The following RIMS2 variants were observed in gnomAD, a reference collection of about 807,000 sequenced individuals.
RIMS2 encodes regulating synaptic membrane exocytosis 2.
Under a neutral mutation model 174.4 loss-of-function variants are expected in RIMS2, and 59 were observed. The ratio of observed to expected loss-of-function variants is 0.34; its 90% CI spans 0.27 to 0.42. RIMS2 has a LOEUF of 0.42. RIMS2 is among the 10% of genes least tolerant of loss of function. The probability of loss-of-function intolerance (pLI) is 1.00; values close to 1 mark genes in which losing one functional copy is unlikely to be tolerated. For missense variants in RIMS2, 1,620 were observed against 1,666.3 expected, an observed-to-expected ratio of 0.97 and a Z score of 0.48; for synonymous variants, 606 against 572.5, an observed-to-expected ratio of 1.06 and a Z score of -0.84.
intron 20 of RIMS2, among the ~76,000 whole-genome samples, chr8:104,247,668 C>T (rs2099343879): frequency 6.6e-6 from 1 of 152,148 alleles, no homozygotes; most frequent in African/African-American, 2.4e-5. Context: ...TTTGACAGGA[C>T]CAGAGTTTGG....
intron 19 of RIMS2, among the ~76,000 whole-genome samples, chr8:104,240,999 A>T (rs1240154925): frequency 6.6e-6 from 1 of 152,100 alleles, no homozygotes; most frequent in Non-Finnish European, 1.5e-5. Context: ...CAGAGAGGGT[A>T]TGTAACTTGC....
At chr8:103,800,016 A>G (rs768088521) in intron 3 of RIMS2, among the ~76,000 whole-genome samples, 1 of 152,202 alleles carries the variant, frequency 6.6e-6, no homozygotes, top group African/African-American at 2.4e-5. Context: ...ACTTGTGGAC[A>G]TGATGAAGTA....
At chr8:103,724,013 G>T (rs756135255) in intron 2 of RIMS2, among the ~76,000 whole-genome samples, 1 of 152,068 alleles carries the variant, frequency 6.6e-6, no homozygotes, top group East Asian at 1.9e-4. Context: ...CTGATACTGG[G>T]GTACCCACTG....
rs569548927 is a variant in RIMS2, at chr8:104,214,084, T to C, written c.3335-30832T>C. On this transcript the variant is annotated intron_variant, in intron 19 of 23. Coordinates refer to ENST00000504942, the Ensembl canonical transcript of RIMS2. Reference sequence around the variant, plus strand: ...TTTGAAATGTTATTCCATTAGAAAGTTGAGGTGCAGAAGGAGTTGCCAAGC... The same window carrying C: ...TTTGAAATGTTATTCCATTAGAAAGCTGAGGTGCAGAAGGAGTTGCCAAGC... Among the ~76,000 whole-genome samples, 36 of 152,196 alleles carry C rather than the reference T, an allele frequency of 2.4e-4. No homozygotes were observed. The South Asian group carries it at 7.1e-3, about 30-fold the overall frequency.
intron 3 of RIMS2, among the ~76,000 whole-genome samples, chr8:103,787,017 A>G (rs961127501): frequency 2.0e-5 from 3 of 150,294 alleles, no homozygotes; most frequent in African/African-American, 7.4e-5. Flanking sequence ...TCCCTTTACC[A>G]TTATGTAATG....
chr8:103,637,255 A>T (rs567734105), intron 1 of RIMS2, among the ~76,000 whole-genome samples: 1 of 152,288 alleles, frequency 6.6e-6, no homozygotes, highest in African/African-American at 2.4e-5. Context: ...AGTCATGGTG[A>T]GTCCATCTAG....
chr8:104,170,362 A>G (rs2098825076), intron 19 of RIMS2, among the ~76,000 whole-genome samples: 1 of 152,080 alleles, frequency 6.6e-6, no homozygotes, highest in African/African-American at 2.4e-5. Context: ...CATTAGGTGC[A>G]TATAAATTTA....
chr8:104,074,800 C>T (rs1262077726), intron 19 of RIMS2, among the ~76,000 whole-genome samples: 1 of 151,712 alleles, frequency 6.6e-6, no homozygotes. Context: ...GTGACTGGTC[C>T]TTGATGAAGT....
At chr8:103,996,586 A>T (rs759169975) in intron 17 of RIMS2, among the ~76,000 whole-genome samples, 17 of 151,980 alleles carry the variant, frequency 1.1e-4, no homozygotes, top group Non-Finnish European at 2.4e-4. Context: ...CTCTCTACAG[A>T]GAAAGGAAAT....
intron 4 of RIMS2, chr8:103,910,016 C>A: frequency 1.2e-5 from 7 of 578,298 alleles, no homozygotes; most frequent in Middle Eastern, 4.2e-4. Flanking sequence ...ATAGTGAGTG[C>A]TACAGACAAA....
intron 1 of RIMS2, among the ~76,000 whole-genome samples, chr8:103,557,806 A>G (rs941247631): frequency 6.6e-6 from 1 of 152,204 alleles, no homozygotes; most frequent in Non-Finnish European, 1.5e-5. Flanking sequence ...ACCATGTACA[A>G]TTTTGAAAAT....
At chr8:103,787,882 A>G (rs896776602) in intron 3 of RIMS2, among the ~76,000 whole-genome samples, 5 of 151,962 alleles carry the variant, frequency 3.3e-5, no homozygotes, top group Non-Finnish European at 5.9e-5. Context: ...ACTTGGTTCC[A>G]TTCTCCCCAT....
At chr8:104,044,935 T>G (rs1427831724) in intron 19 of RIMS2, among the ~76,000 whole-genome samples, 3 of 151,790 alleles carry the variant, frequency 2.0e-5, no homozygotes, top group Admixed American at 2.0e-4. Context: ...AAAAGGAAAT[T>G]ATTTTAGAAA....
intron 19 of RIMS2, among the ~76,000 whole-genome samples, chr8:104,230,542 A>C (rs539573118): frequency 1.6e-4 from 24 of 152,068 alleles, no homozygotes; most frequent in Non-Finnish European, 2.8e-4. Context: ...GCTACTCAGG[A>C]GGCTGAGGCA....
intron 3 of RIMS2, among the ~76,000 whole-genome samples, chr8:103,796,204 T>C (rs1181732371): frequency 6.6e-6 from 1 of 152,158 alleles, no homozygotes; most frequent in Non-Finnish European, 1.5e-5. Flanking sequence ...GATATTAAAG[T>C]GTAGATATGA....
chr8:103,733,169 C>G (rs746708302), intron 2 of RIMS2, among the ~76,000 whole-genome samples: 1 of 152,048 alleles, frequency 6.6e-6, no homozygotes, highest in Non-Finnish European at 1.5e-5. Flanking sequence ...GGACTGGGTT[C>G]TCTTCAAGGC....
At chr8:103,676,463 T>C (rs1187962234) in intron 1 of RIMS2, among the ~76,000 whole-genome samples, 1 of 152,182 alleles carries the variant, frequency 6.6e-6, no homozygotes. Flanking sequence ...ATAAACACTT[T>C]ATCCAGAATA....
At chr8:104,215,931 T>C (rs1158159747) in intron 19 of RIMS2, among the ~76,000 whole-genome samples, 2 of 152,202 alleles carry the variant, frequency 1.3e-5, no homozygotes, top group Non-Finnish European at 2.9e-5. Flanking sequence ...TAGAGAAACT[T>C]CCATTTTCAG....
At chr8:104,005,608 CA>C (rs1377066932) in intron 17 of RIMS2, among the ~76,000 whole-genome samples, 3 of 152,114 alleles carry the variant, frequency 2.0e-5, no homozygotes, top group African/African-American at 7.2e-5. Flanking sequence ...GAGAAGATAT[CA>C]GGGGGCAGTG....
Sources: allele counts gnomAD v4.1 joint callset (sites outside exome capture counted in the v4.1 genomes callset), GRCh38; gene constraint gnomAD v4.1.1; transcripts MANE v1.5; gene names NCBI Gene and HGNC (gene_info 2026-07-23, HGNC 2026-07-21).